AVEN: variants seen among roughly 807,000 people sequenced by gnomAD.
AVEN encodes the protein apoptosis and caspase activation inhibitor.
AVEN carries 41 observed loss-of-function variants against 38.1 expected under a neutral mutation model. The observed-to-expected ratio is 1.08, with a 90% CI of 0.84 to 1.40. The LOEUF (loss-of-function observed/expected upper bound fraction) is 1.40. Among genes scored for constraint, AVEN ranks in the 40% most tolerant of loss-of-function variants. AVEN has a pLI of 0.00. For synonymous variants in AVEN, 206 were observed against 171.8 expected (o/e 1.20, Z -1.56); for missense variants, 605 against 438.8 (o/e 1.38, Z -3.38).
chr15:33,920,534 C>G (rs887989291), intron 2 of AVEN, among the ~76,000 whole-genome samples: 5 of 152,178 alleles, frequency 3.3e-5, no homozygotes, highest in African/African-American at 1.2e-4. Flanking sequence ...TGACTTATAT[C>G]TTAACCCCAG....
chr15:34,038,850 C>T lies in AVEN; in HGVS notation c.197G>A (p.Arg66Gln), dbSNP rs1402695265. ...GCCTCGCGGGGCGCCTCCTCCTCCT[C>T]GGCCTCCGCGAGCGCCGCGGAAGCC... is the stretch of plus-strand genomic sequence containing the variant. ...GRGFRGARGG[R>Q]GGGGAPRGSR... Residue 66 changes from arginine (R) to glutamine (Q), a missense_variant, in exon 1 of 6, where the codon CGA (arginine) becomes CAA (glutamine). Physicochemically the swap from Arg to Gln is conservative, Grantham distance 43. Transcript: ENST00000306730. 17 of 1,165,258 alleles carry T rather than the reference C, an allele frequency of 1.5e-5. No homozygotes were observed. The highest frequency in any genetic ancestry group is 3.3e-5 in the African/African-American group (2 of 60,840). The allele number at this position is 1,165,258 out of a possible 1,614,324, so 72.2% of individuals were successfully genotyped here.
intron 5 of AVEN, among the ~76,000 whole-genome samples, chr15:34,059,750 A>C (rs980079460): frequency 2.7e-5 from 4 of 148,508 alleles, no homozygotes; most frequent in African/African-American, 1.0e-4. Context: ...TCATTCTTCA[A>C]GTCTCGACTC....
chr15:33,861,492 T>TA (rs1888198303), downstream of AVEN, among the ~76,000 whole-genome samples: 1 of 151,762 alleles, frequency 6.6e-6, no homozygotes, highest in South Asian at 2.1e-4. Flanking sequence ...TTTTTTTTTT[T>TA]AATCCTAAAC....
intron 2 of AVEN, among the ~76,000 whole-genome samples, chr15:33,900,697 C>A (rs1294804685): frequency 6.6e-6 from 1 of 151,842 alleles, no homozygotes. Flanking sequence ...TATTTTCAAC[C>A]ATACAATAAT....
chr15:33,984,190 TA>T (rs1417747559), intron 2 of AVEN, among the ~76,000 whole-genome samples: 2 of 152,156 alleles, frequency 1.3e-5, no homozygotes, highest in Non-Finnish European at 2.9e-5. Flanking sequence ...CATGGTTATA[TA>T]AAATAATAAT....
intron 2 of AVEN, among the ~76,000 whole-genome samples, chr15:33,880,189 C>G (rs1891427246): frequency 6.6e-6 from 1 of 152,042 alleles, no homozygotes; most frequent in Non-Finnish European, 1.5e-5. Context: ...CCAGGCGCCC[C>G]TACCCAAAAA....
At chr15:34,001,585 G>A (rs1004333479) in intron 2 of AVEN, among the ~76,000 whole-genome samples, 3 of 152,084 alleles carry the variant, frequency 2.0e-5, no homozygotes, top group African/African-American at 7.2e-5. Flanking sequence ...CCAAAATATA[G>A]GTACCAAGAG....
At chr15:34,074,893 G>T (rs999044626) in exon 1 of AVEN, among the ~76,000 whole-genome samples, 1 of 151,930 alleles carries the variant, frequency 6.6e-6, no homozygotes, top group Admixed American at 6.6e-5. Context: ...GAATGGAAAG[G>T]ATTGACCAGG....
chr15:33,973,455 G>A (rs1030917363), intron 2 of AVEN, among the ~76,000 whole-genome samples: 1 of 152,106 alleles, frequency 6.6e-6, no homozygotes, highest in Non-Finnish European at 1.5e-5. Context: ...AGTAACTTCT[G>A]GGTAACTTCT....
intron 1 of AVEN, among the ~76,000 whole-genome samples, chr15:34,016,240 AC>A (rs1466202961): frequency 6.6e-6 from 1 of 152,244 alleles, no homozygotes; most frequent in Non-Finnish European, 1.5e-5. Context: ...ATCTCAAAAA[AC>A]AAAAACAAAA....
In AVEN at chr15:33,892,986, T is replaced by C. The variant is rs530506463; in HGVS notation, c.446-16991A>G. Among the ~76,000 whole-genome samples, 112 of 152,210 alleles carry C rather than the reference T, an allele frequency of 7.4e-4. 1 individual carries two copies. Among genetic ancestry groups the C allele is most frequent in the Non-Finnish European group, 7.1e-4 (48 of 68,034 alleles). Reference sequence around the variant, plus strand: ...AGGTATTTTATTCTCTTTGTAGCAATTGTGAATGGGAGTTCACTCATGATT... The same window carrying C: ...AGGTATTTTATTCTCTTTGTAGCAACTGTGAATGGGAGTTCACTCATGATT... On this transcript the variant is annotated intron_variant, in intron 2 of 5. Transcript: ENST00000306730.
At chr15:33,967,643 A>C (rs1051284435) in intron 2 of AVEN, among the ~76,000 whole-genome samples, 6 of 151,982 alleles carry the variant, frequency 3.9e-5, no homozygotes, top group Non-Finnish European at 7.4e-5. Flanking sequence ...GTCTAGATAC[A>C]CTCATAAAGA....
At chr15:34,037,667 C>T (rs1049448627) in intron 1 of AVEN, among the ~76,000 whole-genome samples, 1 of 151,196 alleles carries the variant, frequency 6.6e-6, no homozygotes, top group African/African-American at 2.4e-5. Flanking sequence ...GTAAACTGAC[C>T]CTAAAAATGT....
At chr15:34,001,019 ATTTT>A (rs562045179) in intron 2 of AVEN, among the ~76,000 whole-genome samples, 11 of 136,756 alleles carry the variant, frequency 8.0e-5, no homozygotes, top group African/African-American at 2.2e-4. Context: ...TTGGACTAGA[ATTTT>A]TTTTTTTTTT....
At position 33,903,131 on chromosome 15, in the gene AVEN, C is replaced by G. The variant is rs539569556; in HGVS notation, c.446-27136G>C. ...TCTAGACATCGGCACGTAAATGAGG[C>G]CACATTGATCATAAATACTCACCCG... is the stretch of plus-strand genomic sequence containing the variant. On this transcript the variant is annotated intron_variant, in intron 2 of 5. Coordinates refer to ENST00000306730, the MANE Select transcript of AVEN (RefSeq NM_020371.3). 6.6e-5 allele frequency among the ~76,000 whole-genome samples: 10 copies of G among 152,292 alleles called. No homozygotes were observed. The South Asian group carries it at 2.1e-3, about 32-fold the overall frequency.
chr15:34,001,461 C>T (rs1445263568), intron 2 of AVEN, among the ~76,000 whole-genome samples: 1 of 152,148 alleles, frequency 6.6e-6, no homozygotes, highest in Non-Finnish European at 1.5e-5. Context: ...TCAATTTTCT[C>T]CCCCTAGATC....
At chr15:33,873,320 G>C (rs1022595384) in intron 3 of AVEN, among the ~76,000 whole-genome samples, 1 of 149,844 alleles carries the variant, frequency 6.7e-6, no homozygotes, top group African/African-American at 2.4e-5. Flanking sequence ...GGCTGGTCTC[G>C]AACTCCTGAC....
intron 1 of AVEN, among the ~76,000 whole-genome samples, chr15:34,072,414 C>A (rs1010276706): frequency 6.6e-6 from 1 of 151,764 alleles, no homozygotes; most frequent in Non-Finnish European, 1.5e-5. Flanking sequence ...AGTTCGAGAC[C>A]AGACTAACCA....
intron 2 of AVEN, among the ~76,000 whole-genome samples, chr15:33,973,030 T>A (rs1257854944): frequency 1.3e-5 from 2 of 152,204 alleles, no homozygotes; most frequent in African/African-American, 4.8e-5. Context: ...TTACAACCAA[T>A]GGGTTATTCA....
Sources: gnomAD v4.1 joint callset for allele counts (sites outside exome capture counted in the v4.1 genomes callset) on GRCh38, gnomAD v4.1.1 for gene constraint, MANE v1.5 for transcripts, NCBI Gene and HGNC (gene_info 2026-07-23, HGNC 2026-07-21) for gene names.